Variants in PTPRK observed in about 807,000 individuals in gnomAD.
PTPRK encodes protein tyrosine phosphatase receptor type K, also known as receptor-type tyrosine-protein phosphatase kappa.
PTPRK carries 75 observed loss-of-function variants against 178.0 expected under a neutral mutation model. The observed-to-expected ratio is 0.42, with a 90% CI of 0.35 to 0.51. PTPRK has a LOEUF of 0.51. Among genes scored for constraint, PTPRK ranks in the 20% least tolerant of loss-of-function variants. PTPRK has a pLI of 0.02. For synonymous variants in PTPRK, 637 were observed against 620.6 expected (o/e 1.03, Z -0.39); for missense variants, 1,441 against 1,797.8 (o/e 0.80, Z 3.59).
chr6:128,195,798 A>G (rs1225252137), intron 6 of PTPRK, among the ~76,000 whole-genome samples: 1 of 152,162 alleles, frequency 6.6e-6, no homozygotes, highest in Admixed American at 6.5e-5. Flanking sequence ...AGATCTTCAT[A>G]GCAAAGAAAA....
intron 1 of PTPRK, among the ~76,000 whole-genome samples, chr6:128,493,589 CCT>C (rs1317840072): frequency 1.3e-4 from 14 of 111,886 alleles, no homozygotes; most frequent in African/African-American, 4.5e-4. Flanking sequence ...CCTCCCGCCC[CCT>C]ACACACACAC....
chr6:128,484,573 T>C (rs1483135805), intron 1 of PTPRK, among the ~76,000 whole-genome samples: 1 of 152,158 alleles, frequency 6.6e-6, no homozygotes, highest in African/African-American at 2.4e-5. Context: ...CATATATTTG[T>C]CCCCATGGTT....
At chr6:128,375,712 A>C (rs1487230726) in intron 2 of PTPRK, among the ~76,000 whole-genome samples, 2 of 152,194 alleles carry the variant, frequency 1.3e-5, no homozygotes, top group Non-Finnish European at 2.9e-5. Context: ...TGAGACAAGG[A>C]AAGTTCCTTC....
chr6:127,998,148 G>T (rs1381811234), intron 16 of PTPRK, among the ~76,000 whole-genome samples: 1 of 152,024 alleles, frequency 6.6e-6, no homozygotes, highest in African/African-American at 2.4e-5. Context: ...AAATAAGGTT[G>T]GAAGAAGAAT....
At chr6:128,435,441 T>TA (rs200341733) in intron 1 of PTPRK, among the ~76,000 whole-genome samples, 100 of 149,558 alleles carry the variant, frequency 6.7e-4, no homozygotes, top group Non-Finnish European at 1.1e-3. Flanking sequence ...TTTTTTAATT[T>TA]AAAAAAAAAA....
chr6:128,468,093 G>A (rs907031268), intron 1 of PTPRK, among the ~76,000 whole-genome samples: 2 of 152,102 alleles, frequency 1.3e-5, no homozygotes, highest in East Asian at 1.9e-4. Context: ...AGTATCCTGC[G>A]TCTAACATCT....
At chr6:128,001,154 C>T in intron 15 of PTPRK, 1 of 1,433,530 alleles carries the variant, frequency 7.0e-7, no homozygotes, top group East Asian at 2.5e-5. Context: ...GAAATATATC[C>T]TTGATTGAAA....
chr6:128,482,236 G>A (rs1584919296), intron 1 of PTPRK, among the ~76,000 whole-genome samples: 2 of 152,140 alleles, frequency 1.3e-5, no homozygotes, highest in African/African-American at 4.8e-5. Context: ...AACAGGCAGG[G>A]CTATAATATC....
intron 3 of PTPRK, among the ~76,000 whole-genome samples, chr6:128,256,675 A>G (rs1367330439): frequency 6.6e-6 from 1 of 151,692 alleles, no homozygotes; most frequent in Admixed American, 6.6e-5. Context: ...TGACCTCGTG[A>G]TCCGCCCGCC....
chr6:128,299,051 T>C (rs1477052622), intron 3 of PTPRK, among the ~76,000 whole-genome samples: 1 of 152,090 alleles, frequency 6.6e-6, no homozygotes, highest in Non-Finnish European at 1.5e-5. Context: ...TGTGCAAAAA[T>C]CACAAGCATT....
intron 6 of PTPRK, among the ~76,000 whole-genome samples, chr6:128,191,516 T>G (rs966094894): frequency 4.0e-5 from 6 of 151,866 alleles, no homozygotes; most frequent in African/African-American, 1.2e-4. Context: ...TATAGGTAAG[T>G]ATAATTAATA....
intron 1 of PTPRK, among the ~76,000 whole-genome samples, chr6:128,415,863 T>A (rs948771987): frequency 9.9e-5 from 15 of 152,224 alleles, no homozygotes; most frequent in Admixed American, 5.2e-4. Context: ...TAAAAAAAAA[T>A]TCCATTCCTA....
intron 5 of PTPRK, among the ~76,000 whole-genome samples, chr6:128,229,616 A>G (rs1811965301): frequency 6.6e-6 from 1 of 152,208 alleles, no homozygotes; most frequent in East Asian, 1.9e-4. Flanking sequence ...ACCAGGTAGC[A>G]AGGAAGCTCT....
intron 1 of PTPRK, among the ~76,000 whole-genome samples, chr6:128,422,279 C>G (rs1419545146): frequency 1.3e-5 from 2 of 152,138 alleles, no homozygotes; most frequent in African/African-American, 2.4e-5. Flanking sequence ...CACTCTCCCC[C>G]ACCTTCTCCC....
chr6:128,452,153 T>C (rs1847873215), intron 1 of PTPRK, among the ~76,000 whole-genome samples: 1 of 152,204 alleles, frequency 6.6e-6, no homozygotes, highest in Non-Finnish European at 1.5e-5. Flanking sequence ...TTCAAATGCT[T>C]CTTACAGTTC....
chr6:128,322,418 G>C (rs1215387458), intron 2 of PTPRK, 108 bp from the exon 3 acceptor site: 11 of 1,143,654 alleles, frequency 9.6e-6, no homozygotes. Context: ...AAGTTAAAAA[G>C]ACTGTTTTCC....
chr6:128,083,809 G>A lies in PTPRK; in HGVS notation c.1481C>T (p.Pro494Leu). 1 of 1,595,200 alleles carries A rather than the reference G, an allele frequency of 6.3e-7. No homozygotes were observed. The highest frequency in any genetic ancestry group is 8.6e-7 in the Non-Finnish European group (1 of 1,169,436). ...QTDEDVPGPV[P>L]VKSLQGTSFE... ...GGATGTTCCTTGAAGAGATTTTACT[G>A]GTACGGGACCAGGCACTACAAAACA... Residue 494 changes from proline to leucine, a missense_variant, in exon 9 of 30, where the codon CCA becomes CTA. By Grantham distance (98) the Pro-to-Leu change is moderately conservative (BLOSUM62 -3). Coordinates refer to ENST00000368226, the MANE Select transcript of PTPRK (RefSeq NM_002844.4).
chr6:128,243,749 A>T (rs976503740), intron 3 of PTPRK, among the ~76,000 whole-genome samples: 1 of 152,112 alleles, frequency 6.6e-6, no homozygotes, highest in African/African-American at 2.4e-5. Context: ...AAACAGATTT[A>T]GCATTCAGCT....
At chr6:128,483,276 T>C (rs769330630) in intron 1 of PTPRK, among the ~76,000 whole-genome samples, 3 of 152,138 alleles carry the variant, frequency 2.0e-5, no homozygotes, top group Non-Finnish European at 4.4e-5. Context: ...TGTCTTTCAT[T>C]AAAATAATTT....
Sources: allele counts gnomAD v4.1 joint callset (sites outside exome capture counted in the v4.1 genomes callset), GRCh38; gene constraint gnomAD v4.1.1; transcripts MANE v1.5; gene names NCBI Gene and HGNC (gene_info 2026-07-23, HGNC 2026-07-21).